CHL1: variants seen among roughly 807,000 people sequenced by gnomAD.
CHL1 encodes the protein neural cell adhesion molecule L1-like protein.
A neutral mutation model predicts 141.9 loss-of-function variants in CHL1; 96 were observed. The ratio of observed to expected loss-of-function variants is 0.68; its 90% CI spans 0.57 to 0.80. The LOEUF (loss-of-function observed/expected upper bound fraction) is 0.80. CHL1 is among the 30% of genes least tolerant of loss of function. CHL1 has a pLI of 0.00. For synonymous variants in CHL1, 613 were observed against 502.2 expected (o/e 1.22, Z -2.95); for missense variants, 1,820 against 1,457.2 (o/e 1.25, Z -4.05).
chr3:301,391 C>G (rs1002788343), intron 2 of CHL1, among the ~76,000 whole-genome samples: 1 of 152,170 alleles, frequency 6.6e-6, no homozygotes, highest in Non-Finnish European at 1.5e-5. Flanking sequence ...GGAAACTGTT[C>G]TGTGCTGCTT....
At chr3:351,246 G>A (rs527510692) in intron 10 of CHL1, among the ~76,000 whole-genome samples, 7 of 152,236 alleles carry the variant, frequency 4.6e-5, no homozygotes, top group Non-Finnish European at 8.8e-5. Flanking sequence ...GGACTCCAAA[G>A]GAATATAGAT....
intron 2 of CHL1, among the ~76,000 whole-genome samples, chr3:316,499 C>T (rs149093034): frequency 2.0e-5 from 3 of 151,562 alleles, no homozygotes; most frequent in African/African-American, 7.3e-5. Flanking sequence ...GAGCTACGAT[C>T]GTAGGAATTA....
intron 2 of CHL1, among the ~76,000 whole-genome samples, chr3:298,714 G>T (rs1040102442): frequency 3.3e-5 from 5 of 152,144 alleles, no homozygotes; most frequent in Non-Finnish European, 7.3e-5. Flanking sequence ...TTTCCAGGGA[G>T]TGGTCCCTTG....
chr3:300,340 G>T (rs905773209), intron 2 of CHL1, among the ~76,000 whole-genome samples: 2 of 152,100 alleles, frequency 1.3e-5, no homozygotes, highest in East Asian at 1.9e-4. Flanking sequence ...TGAGTTGGGG[G>T]TAGCTTATAG....
rs1709544238 is a variant in CHL1 at position 406,550 on chromosome 3, A to G, written c.*839A>G. 1.3e-5 allele frequency: 2 copies of G among 151,982 alleles called. No homozygotes were observed. Among genetic ancestry groups the G allele is most frequent in the South Asian group, 4.1e-4 (2 of 4,830 alleles). The allele number at this position is 151,982 out of a possible 1,614,324, so 9.4% of individuals were successfully genotyped here. A position where few individuals can be genotyped will look rare whatever the true frequency, so the allele number is the denominator to read the frequency against. ...CTTCATTTCTAAATTGACTGCTTTT[A>G]CCTTTTTCTCATGTTTATATAATGG... is the stretch of plus-strand genomic sequence containing the variant. On this transcript the variant is annotated 3_prime_UTR_variant, in exon 28 of 28. Transcript: ENST00000256509.
intron 15 of CHL1, among the ~76,000 whole-genome samples, chr3:375,431 T>C (rs1016591018): frequency 2.0e-5 from 3 of 151,896 alleles, no homozygotes; most frequent in African/African-American, 4.8e-5. Flanking sequence ...AGCTGCTTTT[T>C]TCCCCCTCCA....
At chr3:333,788 C>G (rs1366056482) in intron 5 of CHL1, among the ~76,000 whole-genome samples, 1 of 152,128 alleles carries the variant, frequency 6.6e-6, no homozygotes, top group Non-Finnish European at 1.5e-5. Context: ...CCTTCATTAT[C>G]CAACTATCAG....
At chr3:293,554 G>A (rs1426041481) in intron 2 of CHL1, among the ~76,000 whole-genome samples, 1 of 151,946 alleles carries the variant, frequency 6.6e-6, no homozygotes, top group Non-Finnish European at 1.5e-5. Flanking sequence ...GTATTTCTGA[G>A]AAAAAGGAGC....
At chr3:312,479 A>T (rs1699833250) in intron 2 of CHL1, among the ~76,000 whole-genome samples, 1 of 152,228 alleles carries the variant, frequency 6.6e-6, no homozygotes, top group African/African-American at 2.4e-5. Flanking sequence ...CAGGCAGGTG[A>T]TTGAACAAAA....
At chr3:239,725 C>A in intron 1 of CHL1, among the ~76,000 whole-genome samples, 1 of 151,812 alleles carries the variant, frequency 6.6e-6, no homozygotes, top group East Asian at 1.9e-4. Flanking sequence ...TACAATGAAC[C>A]CAATTTGTAG....
At chr3:339,597 C>A (rs1294621721) in intron 5 of CHL1, among the ~76,000 whole-genome samples, 1 of 152,150 alleles carries the variant, frequency 6.6e-6, no homozygotes, top group Non-Finnish European at 1.5e-5. Context: ...AGCCACACCG[C>A]CCCCTGCAAT....
chr3:349,333 T>C (rs976368970), intron 9 of CHL1, 26 bp from the exon 10 acceptor site: 1 of 1,579,770 alleles, frequency 6.3e-7, no homozygotes, highest in Non-Finnish European at 8.6e-7. Flanking sequence ...TAAAAAAATG[T>C]TTATTTATTT....
rs140861841 is a variant in CHL1, at chr3:298,643, T to G, written c.-94-21040T>G. On this transcript the variant is annotated intron_variant, in intron 2 of 27. Transcript: ENST00000256509. ...GCCATTAACTTGCTTGCCAGGAGGG[T>G]CTCTCATTCATGAGTCAAATCTCAT... Among the ~76,000 whole-genome samples the G allele has an allele frequency of 6.4e-3, 974 of 152,214 alleles. 35 individuals carry two copies. The highest frequency in any genetic ancestry group is 0.056 in the Admixed American group (861 of 15,294).
chr3:295,924 C>G (rs1034515741), intron 2 of CHL1, among the ~76,000 whole-genome samples: 1 of 152,146 alleles, frequency 6.6e-6, no homozygotes, highest in Non-Finnish European at 1.5e-5. Flanking sequence ...CTAAGTCTCT[C>G]ATTTTGAATT....
At chr3:305,954 C>G (rs760640378) in intron 2 of CHL1, among the ~76,000 whole-genome samples, 50 of 152,190 alleles carry the variant, frequency 3.3e-4, no homozygotes, top group Admixed American at 3.3e-4. Context: ...ACACATAAGA[C>G]TATTAAACAT....
chr3:269,990 C>A (rs1695494212), intron 2 of CHL1, among the ~76,000 whole-genome samples: 1 of 152,188 alleles, frequency 6.6e-6, no homozygotes, highest in South Asian at 2.1e-4. Flanking sequence ...CTGTGCAGAA[C>A]CTGACCCAGT....
chr3:327,247 C>T (rs1253275349), intron 4 of CHL1, among the ~76,000 whole-genome samples: 3 of 151,826 alleles, frequency 2.0e-5, no homozygotes, highest in African/African-American at 7.2e-5. Context: ...AAGAATATGG[C>T]GTCCTGAAAT....
intron 2 of CHL1, among the ~76,000 whole-genome samples, chr3:300,202 C>G (rs988995789): frequency 1.3e-5 from 2 of 151,896 alleles, no homozygotes; most frequent in Admixed American, 1.3e-4. Context: ...TTGAGGGGAC[C>G]CAAGATATCA....
rs763713997 is a variant in CHL1, at chr3:258,868, C to CT, written c.-95+14187dup. On this transcript the variant is annotated intron_variant, in intron 2 of 27. Coordinates refer to ENST00000256509, the MANE Select transcript of CHL1 (RefSeq NM_006614.4). Reference sequence around the variant, plus strand: ...ATCACATTGTTATTAACTAAGTCCCCTTTTTTTTTTTATAAAGAAGGTACT... The same window carrying CT: ...ATCACATTGTTATTAACTAAGTCCCCTTTTTTTTTTTTATAAAGAAGGTACT... 7.9e-3 allele frequency among the ~76,000 whole-genome samples: 1,133 copies of CT among 143,820 alleles called. 10 individuals are homozygous for CT. Among genetic ancestry groups the CT allele is most frequent in the South Asian group, 0.024 (108 of 4,534 alleles). 94.4% of individuals were successfully genotyped at this position (143,820 alleles called of 152,430 possible).
Sources: allele counts gnomAD v4.1 joint callset (sites outside exome capture counted in the v4.1 genomes callset), GRCh38; gene constraint gnomAD v4.1.1; transcripts MANE v1.5; gene names NCBI Gene and HGNC (gene_info 2026-07-23, HGNC 2026-07-21).